The following NRXN1 variants were observed in gnomAD, a reference collection of about 807,000 sequenced individuals.
The protein encoded by NRXN1 is neurexin-1.
A neutral mutation model predicts 150.9 loss-of-function variants in NRXN1; 39 were observed. The ratio of observed to expected loss-of-function variants is 0.26; its 90% CI spans 0.20 to 0.34. NRXN1 has a LOEUF of 0.34. NRXN1 is among the 10% of genes least tolerant of loss of function. NRXN1 has a pLI of 1.00. For missense variants in NRXN1, 1,815 were observed against 1,949.9 expected (o/e 0.93, Z 1.30); for synonymous variants, 924 against 757.0 (o/e 1.22, Z -3.62).
chr2:49,925,134 G>C (rs1668868302), intron 22 of NRXN1, among the ~76,000 whole-genome samples: 1 of 151,922 alleles, frequency 6.6e-6, no homozygotes, highest in African/African-American at 2.4e-5. Context: ...ACAAAAATTA[G>C]CTGGGCATGG....
intron 13 of NRXN1, among the ~76,000 whole-genome samples, chr2:50,505,358 C>T (rs1435373864): frequency 1.3e-5 from 2 of 152,180 alleles, no homozygotes; most frequent in African/African-American, 2.4e-5. Flanking sequence ...GTCCTATCTA[C>T]TTCATAGGAC....
intron 17 of NRXN1, among the ~76,000 whole-genome samples, chr2:50,261,030 A>G (rs1264591008): frequency 6.6e-6 from 1 of 151,712 alleles, no homozygotes. Context: ...AAAAGACTTC[A>G]TGGGTTTTAC....
At chr2:50,026,936 C>T (rs1392065791) in intron 21 of NRXN1, among the ~76,000 whole-genome samples, 1 of 124,832 alleles carries the variant, frequency 8.0e-6, no homozygotes, top group African/African-American at 3.2e-5. Context: ...GCTGGAGTGC[C>T]AGTGGCGTGA....
chr2:50,102,045 T>G (rs1377231403), intron 18 of NRXN1, among the ~76,000 whole-genome samples: 1 of 152,008 alleles, frequency 6.6e-6, no homozygotes, highest in African/African-American at 2.4e-5. Context: ...CATTTACCAA[T>G]GAATATTTTC....
chr2:50,690,886 C>T (rs930208968), intron 5 of NRXN1, among the ~76,000 whole-genome samples: 9 of 152,208 alleles, frequency 5.9e-5, no homozygotes, highest in African/African-American at 2.2e-4. Flanking sequence ...ATGAGAATCA[C>T]TGACCCACTG....
chr2:50,699,734 T>TTGCCTTTGGCCCAAGCAGAGGACC (rs1179254720), intron 5 of NRXN1, among the ~76,000 whole-genome samples: 2 of 151,978 alleles, frequency 1.3e-5, no homozygotes, highest in African/African-American at 4.8e-5. Context: ...TGCCAACACC[T>TTGCCTTTGGCCCAAGCAGAGGACC]TGCCTTTGGC....
At chr2:50,827,693 G>A (rs1670655461) in intron 5 of NRXN1, among the ~76,000 whole-genome samples, 1 of 152,030 alleles carries the variant, frequency 6.6e-6, no homozygotes, top group Admixed American at 6.5e-5. Flanking sequence ...GTGGAGGGAA[G>A]GTCAGCAGAT....
chr2:50,342,395 T>C (rs376257523), intron 17 of NRXN1, among the ~76,000 whole-genome samples: 4 of 152,220 alleles, frequency 2.6e-5, no homozygotes, highest in Admixed American at 1.3e-4. Context: ...AGAACAGTCA[T>C]AGCCAAAAAC....
At chr2:50,674,533 T>C (rs1233241125) in intron 5 of NRXN1, among the ~76,000 whole-genome samples, 4 of 151,762 alleles carry the variant, frequency 2.6e-5, no homozygotes, top group Non-Finnish European at 5.9e-5. Context: ...AGGAAGCAAA[T>C]AGGAAACAGA....
intron 22 of NRXN1, among the ~76,000 whole-genome samples, chr2:49,932,851 A>G (rs762088652): frequency 1.3e-5 from 2 of 152,162 alleles, no homozygotes; most frequent in Non-Finnish European, 2.9e-5. Context: ...TGGTGTAGGT[A>G]TTATCATTAC....
intron 18 of NRXN1, among the ~76,000 whole-genome samples, chr2:50,099,219 T>G (rs372008393): frequency 3.3e-5 from 5 of 152,084 alleles, no homozygotes; most frequent in African/African-American, 1.2e-4. Context: ...AGTTTTTATA[T>G]GCCCATTTCA....
rs191584845 is a variant in NRXN1 at position 50,613,034 on chromosome 2, G to T, written c.1320+6988C>A. Among the ~76,000 whole-genome samples the T allele has an allele frequency of 8.8e-4, 134 of 152,132 alleles. 1 individual carries two copies. The highest frequency in any genetic ancestry group is 3.2e-3 in the African/African-American group (131 of 41,484). On this transcript the variant is annotated intron_variant, in intron 8 of 22. Coordinates refer to ENST00000401669, the MANE Select transcript of NRXN1 (RefSeq NM_001330078.2). ...ACTAGGCTGGGCCTATAACAAACTG[G>T]GTTAATGACACATAAGAATTTGTCA...
rs1695471487 is a variant in NRXN1, at chr2:50,974,175, G to A, written c.773-48220C>T. On this transcript the variant is annotated intron_variant, in intron 2 of 22. Coordinates refer to ENST00000401669, the MANE Select transcript of NRXN1 (RefSeq NM_001330078.2). ...AAACTGCCATTTTTTCTCATGATGT[G>A]AATACAGTTTTACTATTTCAATAAA... Among the ~76,000 whole-genome samples, 3 of 152,110 alleles carry A rather than the reference G, an allele frequency of 2.0e-5. No individual in the cohort carries two copies. The South Asian group carries it at 6.2e-4, about 31-fold the overall frequency.
chr2:50,463,983 T>G (rs2088532722), intron 17 of NRXN1: 1 of 151,662 alleles, frequency 6.6e-6, no homozygotes, highest in Non-Finnish European at 1.5e-5. Flanking sequence ...CGCCATTTTC[T>G]GTGAGGCAGG....
intron 10 of NRXN1, 22 bp downstream of exon 10, chr2:50,538,231 T>A: frequency 1.3e-6 from 2 of 1,597,008 alleles, no homozygotes; most frequent in Middle Eastern, 1.7e-4. Flanking sequence ...GGGAGTTGGC[T>A]GCTGGGGTTT....
At chr2:50,780,462 T>A (rs1339531829) in intron 5 of NRXN1, among the ~76,000 whole-genome samples, 1 of 152,164 alleles carries the variant, frequency 6.6e-6, no homozygotes, top group Admixed American at 6.5e-5. Flanking sequence ...TATTATTTCT[T>A]ATCCAGTTTA....
chr2:50,457,730 T>A (rs920064040), intron 17 of NRXN1, among the ~76,000 whole-genome samples: 1 of 152,038 alleles, frequency 6.6e-6, no homozygotes, highest in Non-Finnish European at 1.5e-5. Flanking sequence ...TCACTAATCA[T>A]CAGAGAAATG....
chr2:50,970,926 A>G (rs1420012982), intron 2 of NRXN1, among the ~76,000 whole-genome samples: 1 of 152,064 alleles, frequency 6.6e-6, no homozygotes, highest in East Asian at 1.9e-4. Flanking sequence ...TTGCTTTTAT[A>G]TCTCTTATAT....
chr2:50,861,752 T>A (rs545962394), intron 5 of NRXN1, among the ~76,000 whole-genome samples: 2 of 152,110 alleles, frequency 1.3e-5, no homozygotes, highest in Non-Finnish European at 2.9e-5. Flanking sequence ...TGGTTCATCT[T>A]GAGCTGATAT....
Sources: allele counts gnomAD v4.1 joint callset (sites outside exome capture counted in the v4.1 genomes callset), GRCh38; gene constraint gnomAD v4.1.1; transcripts MANE v1.5; gene names NCBI Gene and HGNC (gene_info 2026-07-23, HGNC 2026-07-21).